The following CDH12 variants were observed in gnomAD, a reference collection of about 807,000 sequenced individuals.
The protein encoded by CDH12 is cadherin 12.
Under a neutral mutation model 74.1 loss-of-function variants are expected in CDH12, and 41 were observed. That is an observed-to-expected ratio of 0.55 (90% CI 0.43 to 0.72). CDH12 has a LOEUF of 0.72. Ranked by LOEUF, CDH12 falls within the 30% of genes least tolerant of loss-of-function variation. The pLI, the probability that CDH12 is intolerant of heterozygous loss-of-function variation, is 0.00. For synonymous variants in CDH12, 399 were observed against 355.0 expected, an observed-to-expected ratio of 1.12 and a Z score of -1.39; for missense variants, 945 against 977.2, an observed-to-expected ratio of 0.97 and a Z score of 0.44.
At chr5:21,961,480 G>C (rs1756361283) in intron 6 of CDH12, among the ~76,000 whole-genome samples, 3 of 152,052 alleles carry the variant, frequency 2.0e-5, no homozygotes, top group African/African-American at 7.2e-5. Flanking sequence ...GTGCGTTATG[G>C]GTTGAATTGT....
intron 1 of CDH12, among the ~76,000 whole-genome samples, chr5:22,795,830 T>C (rs1467377893): frequency 6.6e-6 from 1 of 151,420 alleles, no homozygotes; most frequent in Non-Finnish European, 1.5e-5. Context: ...AATAGTAGAG[T>C]GAGAAGTGTG....
chr5:22,122,974 C>T (rs182078922), intron 4 of CDH12, among the ~76,000 whole-genome samples: 324 of 152,304 alleles, frequency 2.1e-3, no homozygotes, highest in Middle Eastern at 3.4e-3. Context: ...TCTTGGGTCT[C>T]TAGCCTGACA....
intron 1 of CDH12, among the ~76,000 whole-genome samples, chr5:22,619,120 C>A (rs1051320990): frequency 6.6e-6 from 1 of 151,966 alleles, no homozygotes; most frequent in Admixed American, 6.6e-5. Flanking sequence ...TTGTGTGAGC[C>A]CCATTTCTAA....
At chr5:22,016,433 G>T (rs1433279059) in intron 5 of CDH12, among the ~76,000 whole-genome samples, 1 of 151,702 alleles carries the variant, frequency 6.6e-6, no homozygotes, top group African/African-American at 2.4e-5. Flanking sequence ...GTCTTGTTTT[G>T]TCTCCAGGCT....
intron 3 of CDH12, among the ~76,000 whole-genome samples, chr5:22,287,109 AG>A (rs1462820728): frequency 6.6e-6 from 1 of 152,222 alleles, no homozygotes; most frequent in Non-Finnish European, 1.5e-5. Flanking sequence ...AAACAAATGA[AG>A]CTGGTTGACC....
At chr5:22,499,850 T>TA (rs1400716620) in intron 2 of CDH12, among the ~76,000 whole-genome samples, 1 of 152,098 alleles carries the variant, frequency 6.6e-6, no homozygotes, top group Non-Finnish European at 1.5e-5. Context: ...CAAATATATA[T>TA]AAAAAATTAT....
At chr5:22,260,685 C>T (rs550263601) in intron 3 of CDH12, among the ~76,000 whole-genome samples, 1 of 151,880 alleles carries the variant, frequency 6.6e-6, no homozygotes, top group Admixed American at 6.6e-5. Flanking sequence ...AAGATAGGTA[C>T]CAATTGTCAC....
intron 2 of CDH12, among the ~76,000 whole-genome samples, chr5:22,501,746 T>TA (rs11379349): frequency 0.56 from 79,737 of 143,612 alleles, 22,295 homozygotes; most frequent in African/African-American, 0.63. Flanking sequence ...CAAAGTATAT[T>TA]AAAAAAAAAA....
Position 22,629,277 on chromosome 5 carries a change from A to G in CDH12, c.-522-123913T>C, listed in dbSNP as rs1738456909. ...AGGTCACCATCTTTCTGATACCAAA[A>G]CCTGACAGAGACACACACGCATAAA... On this transcript the variant is annotated intron_variant, in intron 1 of 14. Transcript: ENST00000382254. Among the ~76,000 whole-genome samples the G allele has an allele frequency of 2.0e-5, 3 of 151,890 alleles. No homozygotes were observed. The South Asian group carries it at 6.2e-4, about 32-fold the overall frequency.
In CDH12 at chr5:22,103,156, T is replaced by A. The variant is rs570747318; in HGVS notation, c.-186-24294A>T. On this transcript the variant is annotated intron_variant, in intron 4 of 14. Transcript: ENST00000382254. ...AAGAAAAACAAAAGCCATACTACCA[T>A]GACAGCTTCTAATCTCGGATCTTGA... Among the ~76,000 whole-genome samples the A allele has an allele frequency of 3.9e-5, 6 of 152,282 alleles. No individual in the cohort carries two copies. The East Asian group carries it at 1.2e-3, about 29-fold the overall frequency.
chr5:22,400,649 A>C (rs1742691506), intron 3 of CDH12, among the ~76,000 whole-genome samples: 1 of 152,234 alleles, frequency 6.6e-6, no homozygotes, highest in East Asian at 1.9e-4. Flanking sequence ...GTAGAAATCT[A>C]ATATATTTTA....
intron 10 of CDH12, among the ~76,000 whole-genome samples, chr5:21,799,664 G>C (rs1747003590): frequency 6.6e-6 from 1 of 152,166 alleles, no homozygotes; most frequent in African/African-American, 2.4e-5. Flanking sequence ...GCATCACATA[G>C]CTCTTCAGCT....
At chr5:21,900,114 T>C (rs1393164057) in intron 6 of CDH12, among the ~76,000 whole-genome samples, 2 of 152,156 alleles carry the variant, frequency 1.3e-5, no homozygotes, top group African/African-American at 4.8e-5. Context: ...ATTGAATAAT[T>C]TGGATCTTCA....
intron 2 of CDH12, among the ~76,000 whole-genome samples, chr5:22,453,293 T>C (rs528998735): frequency 2.0e-5 from 3 of 152,138 alleles, no homozygotes; most frequent in Non-Finnish European, 4.4e-5. Context: ...CCTGTATTTA[T>C]TGCAGCATTC....
chr5:22,096,790 CT>C (rs1349022893), intron 4 of CDH12, among the ~76,000 whole-genome samples: 1 of 152,132 alleles, frequency 6.6e-6, no homozygotes. Context: ...CCCTGAGATG[CT>C]TTACAGCCCT....
chr5:22,624,250 G>A (rs1738149202), intron 1 of CDH12, among the ~76,000 whole-genome samples: 2 of 152,084 alleles, frequency 1.3e-5, no homozygotes. Flanking sequence ...CGTAGGCATG[G>A]GCAAGTATTT....
At chr5:21,945,385 C>T (rs143456178) in intron 6 of CDH12, among the ~76,000 whole-genome samples, 3,122 of 138,290 alleles carry the variant, frequency 0.023, 128 homozygotes, top group African/African-American at 0.08. Flanking sequence ...AAGATCATAC[C>T]GCTGCACTCC....
At chr5:21,880,617 T>TCTCTC (rs1175606424) in intron 6 of CDH12, among the ~76,000 whole-genome samples, 4 of 53,932 alleles carry the variant, frequency 7.4e-5, no homozygotes, top group African/African-American at 3.3e-4. Flanking sequence ...CCTTCCTTCC[T>TCTCTC]TCTTTCTTTC....
chr5:22,155,375 G>T (rs1319737842), intron 4 of CDH12, among the ~76,000 whole-genome samples: 3 of 151,972 alleles, frequency 2.0e-5, no homozygotes, highest in African/African-American at 7.2e-5. Context: ...TATAATTGGA[G>T]AGCTAAGAAC....
Sources: allele counts gnomAD v4.1 joint callset (sites outside exome capture counted in the v4.1 genomes callset), GRCh38; gene constraint gnomAD v4.1.1; transcripts MANE v1.5; gene names NCBI Gene and HGNC (gene_info 2026-07-23, HGNC 2026-07-21).